The following ATAD2B variants were observed in gnomAD, a reference collection of about 807,000 sequenced individuals.
ATAD2B encodes ATPase family AAA domain containing 2B.
In ATAD2B, 40 loss-of-function variants were observed where a neutral mutation model predicts 167.6. The observed-to-expected ratio is 0.24, with a 90% confidence interval of 0.19 to 0.31. The LOEUF (loss-of-function observed/expected upper bound fraction) is 0.31. Among genes scored for constraint, ATAD2B ranks in the 10% least tolerant of loss-of-function variants. The probability of loss-of-function intolerance (pLI) is 1.00; values close to 1 mark genes in which losing one functional copy is unlikely to be tolerated. For synonymous variants in ATAD2B, 579 were observed against 596.5 expected (o/e 0.97, Z 0.43); for missense variants, 1,242 against 1,757.2 (o/e 0.71, Z 5.24).
Position 23,864,789 on chromosome 2 carries a change from A to G in ATAD2B, c.1304+20T>C. 1 of 1,180,412 alleles carries G rather than the reference A, an allele frequency of 8.5e-7. No homozygotes were observed. The highest frequency in any genetic ancestry group is 1.2e-6 in the Non-Finnish European group (1 of 826,952). 73.1% of individuals were successfully genotyped at this position (1,180,412 alleles called of 1,614,324 possible). ...AAAGTAACAGTAATAACAATAATAA[A>G]CATCTATGACATTGCTTACCTTGGA... On this transcript the variant is annotated intron_variant, in intron 11 of 27. Coordinates refer to ENST00000238789, the MANE Select transcript of ATAD2B (RefSeq NM_017552.4).
rs375673963 is a variant in ATAD2B, at chr2:23,823,409, G to C, written c.1980C>G (p.Ile660Met). ...TCACAGCACGTTGGGAAGCAGGCACGATATTCTGCATTGCATGGTAAAAAT... is the reference window on the plus strand; with the variant it reads ...TCACAGCACGTTGGGAAGCAGGCACCATATTCTGCATTGCATGGTAAAAAT... ...AQDFYHAMQNIVPASQRAVMS... is the reference protein window; with the variant it reads ...AQDFYHAMQNMVPASQRAVMS... Residue 660 changes from isoleucine to methionine, a missense_variant, in exon 16 of 28, where the codon ATC becomes ATG. By Grantham distance (10) the Ile-to-Met change is conservative. Around this residue, in one of 9 missense-constraint regions of ATAD2B, gnomAD observed 145 missense variants for 181.9 expected, o/e 0.80. Transcript: ENST00000238789. 1.2e-6 allele frequency: 2 copies of C among 1,613,834 alleles called. No homozygotes were observed. Among genetic ancestry groups the C allele is most frequent in the African/African-American group, 1.3e-5 (1 of 74,908 alleles).
At chr2:23,681,090 G>T in the ATAD2B span, among the ~76,000 whole-genome samples, 1,726 of 152,314 alleles carry the variant, frequency 0.011, 19 homozygotes, top group Middle Eastern at 0.031. This position sits in a 1 kb window ranked among gnomAD's most constrained non-coding sequence, Gnocchi z 4.2. Flanking sequence ...TCCCCTTGTG[G>T]ATTCTGGGTC....
At chr2:23,859,998 T>C (rs13020789) in intron 12 of ATAD2B, among the ~76,000 whole-genome samples, 68,493 of 151,284 alleles carry the variant, frequency 0.45, 16,354 homozygotes, top group East Asian at 0.78. Flanking sequence ...TATTGGGAGG[T>C]AGGACCTTTA....
At chr2:23,715,366 G>A in the ATAD2B span, among the ~76,000 whole-genome samples, 1 of 152,152 alleles carries the variant, frequency 6.6e-6, no homozygotes, top group Non-Finnish European at 1.5e-5. Flanking sequence ...AAGGTCAGGA[G>A]ATCGAGACCA....
chr2:23,792,759 A>G (rs1028079404), intron 19 of ATAD2B, among the ~76,000 whole-genome samples: 2 of 151,794 alleles, frequency 1.3e-5, no homozygotes, highest in African/African-American at 2.4e-5. Context: ...TCAGGAGATC[A>G]AGACCATACT....
chr2:23,913,025 C>G (rs968322564), intron 1 of ATAD2B, among the ~76,000 whole-genome samples: 1 of 152,014 alleles, frequency 6.6e-6, no homozygotes, highest in Non-Finnish European at 1.5e-5. Flanking sequence ...AATAAAAAGA[C>G]TCTTAATATG....
intron 11 of ATAD2B, among the ~76,000 whole-genome samples, chr2:23,864,297 G>C (rs908549571): frequency 1.3e-5 from 2 of 152,068 alleles, no homozygotes; most frequent in Non-Finnish European, 2.9e-5. Flanking sequence ...GAGCCACCGT[G>C]CCCAGCCAGA....
chr2:23,906,439 G>A (rs1222782263), intron 1 of ATAD2B, among the ~76,000 whole-genome samples: 1 of 152,132 alleles, frequency 6.6e-6, no homozygotes, highest in Non-Finnish European at 1.5e-5. Context: ...GCAGTATAAT[G>A]ATACAAAGAA....
At chr2:23,872,668 G>C (rs1696185727) in intron 8 of ATAD2B, 10 of 1,346,632 alleles carry the variant, frequency 7.4e-6, no homozygotes, top group Non-Finnish European at 1.1e-5. Context: ...AGAGCCTCCA[G>C]ATCTTCACCT....
intron 1 of ATAD2B, among the ~76,000 whole-genome samples, chr2:23,923,573 CG>C (rs1704263514): frequency 6.8e-6 from 1 of 147,966 alleles, no homozygotes; most frequent in Non-Finnish European, 1.5e-5. Context: ...GGTGTTGATG[CG>C]GTGGTGTTTT....
At chr2:23,905,212 T>C (rs1427056916) in intron 1 of ATAD2B, among the ~76,000 whole-genome samples, 3 of 152,150 alleles carry the variant, frequency 2.0e-5, no homozygotes, top group Admixed American at 6.6e-5. Context: ...AAAGAGACAA[T>C]GTAGGTACTG....
intron 12 of ATAD2B, among the ~76,000 whole-genome samples, chr2:23,858,570 C>A (rs565992423): frequency 3.4e-4 from 50 of 147,922 alleles, no homozygotes; most frequent in Middle Eastern, 3.5e-3. Flanking sequence ...CAGCTCACTA[C>A]AACCTCAAAT....
chr2:23,882,260 A>T (rs1257524659), intron 6 of ATAD2B, among the ~76,000 whole-genome samples: 1 of 151,326 alleles, frequency 6.6e-6, no homozygotes, highest in Non-Finnish European at 1.5e-5. Context: ...GGAGTGCATG[A>T]TCTTGGCTCA....
chr2:23,917,927 G>T (rs1469165575), intron 1 of ATAD2B, among the ~76,000 whole-genome samples: 1 of 151,792 alleles, frequency 6.6e-6, no homozygotes, highest in African/African-American at 2.4e-5. Context: ...GCATGGTGAC[G>T]CAAGCCTGTA....
At chr2:23,721,340 C>T in the ATAD2B span, among the ~76,000 whole-genome samples, 1 of 152,222 alleles carries the variant, frequency 6.6e-6, no homozygotes, top group Non-Finnish European at 1.5e-5. Context: ...AGAAATGGCC[C>T]CAGGCCAGCT....
the ATAD2B span, among the ~76,000 whole-genome samples, chr2:23,680,225 G>A: frequency 6.6e-5 from 10 of 152,156 alleles, no homozygotes; most frequent in African/African-American, 2.2e-4. The surrounding 1 kb of genome is among the most constrained non-coding windows in gnomAD (Gnocchi z 4.1). Flanking sequence ...AATTCTAGGA[G>A]GTAAAAAGAT....
chr2:23,848,300 C>T (rs34416396), intron 13 of ATAD2B, among the ~76,000 whole-genome samples: 68,493 of 151,908 alleles, frequency 0.45, 16,337 homozygotes, highest in East Asian at 0.78. Context: ...GTCAGGAGCT[C>T]GAGACCGTGT....
At chr2:23,781,298 C>T (rs917132906) in intron 22 of ATAD2B, among the ~76,000 whole-genome samples, 8 of 151,494 alleles carry the variant, frequency 5.3e-5, no homozygotes, top group African/African-American at 1.9e-4. Flanking sequence ...CATGTCTAAA[C>T]ACAGACAAAA....
intron 24 of ATAD2B, among the ~76,000 whole-genome samples, chr2:23,760,748 ACATACACACACACACACACAC>A (rs1468470236): frequency 1.9e-4 from 22 of 115,936 alleles, no homozygotes; most frequent in East Asian, 3.3e-4. Flanking sequence ...ACACACACAC[ACATACACACACACACACACAC>A]ACCACTTCCT....
Sources: gnomAD v4.1 joint callset for allele counts (sites outside exome capture counted in the v4.1 genomes callset) on GRCh38, gnomAD v4.1.1 for gene constraint, gnomAD v4.1.1 regional missense constraint, Gnocchi (gnomAD v3.1) non-coding constraint, MANE v1.5 for transcripts, NCBI Gene and HGNC (gene_info 2026-07-23, HGNC 2026-07-21) for gene names.